SLC2A13: variants seen among roughly 807,000 people sequenced by gnomAD.
SLC2A13 encodes solute carrier family 2 member 13, also known as proton myo-inositol cotransporter.
In SLC2A13, 32 loss-of-function variants were observed where a neutral mutation model predicts 64.4. That is an observed-to-expected ratio of 0.50 (90% CI 0.37 to 0.67). The LOEUF (loss-of-function observed/expected upper bound fraction) is 0.67, where lower values mean the gene tolerates loss of function less well. Ranked by LOEUF, SLC2A13 falls within the 30% of genes least tolerant of loss-of-function variation. The pLI is 0.00. For missense variants in SLC2A13, 743 were observed against 829.2 expected (o/e 0.90, Z 1.28); for synonymous variants, 338 against 327.1 (o/e 1.03, Z -0.36).
chr12:39,895,481 C>A (rs1278227351), intron 4 of SLC2A13, among the ~76,000 whole-genome samples: 1 of 92,302 alleles, frequency 1.1e-5, no homozygotes, highest in African/African-American at 4.5e-5. Context: ...CAGAGCGAGA[C>A]TCTGTCTCAA....
chr12:39,771,565 T>C (rs1432619795), intron 7 of SLC2A13, among the ~76,000 whole-genome samples: 1 of 152,130 alleles, frequency 6.6e-6, no homozygotes, highest in East Asian at 1.9e-4. Flanking sequence ...CTCCAGTCTG[T>C]GCATTGATTG....
chr12:39,764,492 A>G lies in SLC2A13; in HGVS notation c.1688T>C (p.Phe563Ser). The change falls in exon 9 of 10, where the codon TTT (phenylalanine) becomes TCT (serine). Residue 563 changes from phenylalanine (F) to serine (S), a missense_variant. Phe to Ser is a radical substitution (Grantham distance 155). This residue lies in a region of SLC2A13 where 295 missense variants were observed against 381.7 expected (regional missense o/e 0.77). Transcript: ENST00000280871. ...TGTAAGATACTCTGCTGTGTGTAAAAATGTTAGTGAAACCAGGACATTGAA... is the reference window on the plus strand; with the variant it reads ...TGTAAGATACTCTGCTGTGTGTAAAGATGTTAGTGAAACCAGGACATTGAA... ...WIFNVLVSLT[F>S]LHTAEYLTYY... The G allele has an allele frequency of 2.5e-6, 4 of 1,605,804 alleles. No homozygotes were observed. The highest frequency in any genetic ancestry group is 3.4e-6 in the Non-Finnish European group (4 of 1,177,630).
chr12:39,864,547 C>A (rs1258974936), intron 6 of SLC2A13, among the ~76,000 whole-genome samples: 1 of 152,038 alleles, frequency 6.6e-6, no homozygotes, highest in South Asian at 2.1e-4. Flanking sequence ...GTCTAACAAC[C>A]CACTCTCTCC....
chr12:40,093,830 T>G (rs1938845335), intron 1 of SLC2A13, among the ~76,000 whole-genome samples: 1 of 151,888 alleles, frequency 6.6e-6, no homozygotes, highest in Non-Finnish European at 1.5e-5. Flanking sequence ...TGGGGAAAGA[T>G]CCCATGGGGT....
chr12:39,942,720 G>C (rs1946056586), intron 4 of SLC2A13, among the ~76,000 whole-genome samples: 1 of 152,124 alleles, frequency 6.6e-6, no homozygotes, highest in Non-Finnish European at 1.5e-5. Context: ...TTAGCTCGGA[G>C]GAGTTTGTTA....
At chr12:39,844,039 A>G (rs188414687) in intron 6 of SLC2A13, among the ~76,000 whole-genome samples, 1 of 152,146 alleles carries the variant, frequency 6.6e-6, no homozygotes, top group East Asian at 1.9e-4. Flanking sequence ...GTAAGAACAC[A>G]GTTTTGCTTG....
rs1409496369 is a variant in SLC2A13 at position 39,975,277 on chromosome 12, G to A, written c.926-23912C>T. Among the ~76,000 whole-genome samples the A allele has an allele frequency of 2.0e-5, 3 of 152,132 alleles. No homozygotes were observed. In the East Asian group the frequency reaches 5.8e-4, roughly 29 times the overall value. On this transcript the variant is annotated intron_variant, in intron 3 of 9. Transcript: ENST00000280871. The stretch of plus-strand genomic sequence containing the variant: ...CATTTTAGTTTGCTAATTTGCTATG[G>A]AATAGGAAGAAAATAATGCCAAAGG...
chr12:40,029,665 A>C (rs1947875363), intron 2 of SLC2A13, among the ~76,000 whole-genome samples: 1 of 152,258 alleles, frequency 6.6e-6, no homozygotes, highest in Non-Finnish European at 1.5e-5. Flanking sequence ...AGAAGAAAAA[A>C]TATGATTATT....
At chr12:39,843,153 G>A (rs2135878464) in intron 6 of SLC2A13, among the ~76,000 whole-genome samples, 1 of 152,076 alleles carries the variant, frequency 6.6e-6, no homozygotes, top group East Asian at 1.9e-4. Flanking sequence ...GAATTGCTGG[G>A]TCATATAACT....
intron 9 of SLC2A13, among the ~76,000 whole-genome samples, chr12:39,763,274 T>C (rs774936673): frequency 2.6e-5 from 4 of 152,058 alleles, no homozygotes; most frequent in Non-Finnish European, 5.9e-5. Flanking sequence ...TAAGTGGTGA[T>C]TAGGAGAGAG....
chr12:40,003,753 C>A (rs1481070242), intron 3 of SLC2A13, among the ~76,000 whole-genome samples: 1 of 151,076 alleles, frequency 6.6e-6, no homozygotes, highest in Admixed American at 6.6e-5. Context: ...TTTTCTCATT[C>A]TCTCATATAA....
chr12:39,758,220 G>GT lies in SLC2A13; in HGVS notation c.*1805dup, dbSNP rs1566751276. The stretch of plus-strand genomic sequence containing the variant: ...TATGAAATGACCAAAGGGAGAAAAC[G>GT]TTTTTGTTTTTGGTTAATGGATTTT... On this transcript the variant is annotated 3_prime_UTR_variant, in exon 10 of 10. Transcript: ENST00000280871. The GT allele has an allele frequency of 6.6e-6, 1 of 151,562 alleles. No individual in the cohort carries two copies. The highest frequency in any genetic ancestry group is 2.4e-5 in the African/African-American group (1 of 41,338). 9.4% of individuals were successfully genotyped at this position (151,562 alleles called of 1,614,324 possible).
intron 4 of SLC2A13, among the ~76,000 whole-genome samples, chr12:39,941,009 A>T (rs1181023265): frequency 6.6e-6 from 1 of 151,998 alleles, no homozygotes; most frequent in Non-Finnish European, 1.5e-5. Context: ...AATAGTCTCC[A>T]ATCTCATCTA....
At chr12:39,979,062 C>A (rs1055074719) in intron 3 of SLC2A13, among the ~76,000 whole-genome samples, 1 of 151,916 alleles carries the variant, frequency 6.6e-6, no homozygotes, top group Admixed American at 6.6e-5. Flanking sequence ...AGCAGCGGCA[C>A]ACTGACACCT....
At chr12:39,945,396 T>C (rs961760778) in intron 4 of SLC2A13, among the ~76,000 whole-genome samples, 2 of 152,170 alleles carry the variant, frequency 1.3e-5, no homozygotes, top group African/African-American at 4.8e-5. Flanking sequence ...TTTGGATGTC[T>C]AGGTCTCTAG....
chr12:40,099,968 G>A (rs971747641), intron 1 of SLC2A13, among the ~76,000 whole-genome samples: 23 of 151,912 alleles, frequency 1.5e-4, no homozygotes, highest in African/African-American at 5.6e-4. Flanking sequence ...TGAAAATTAG[G>A]AGCTTCTGCC....
chr12:40,058,042 C>CAGATAGAT (rs10534370), intron 1 of SLC2A13, among the ~76,000 whole-genome samples: 6,399 of 145,194 alleles, frequency 0.044, 149 homozygotes, highest in African/African-American at 0.052. Flanking sequence ...AATTTCTCTC[C>CAGATAGAT]AGATAGATAG....
chr12:39,855,765 CA>C (rs1443784547), intron 6 of SLC2A13, among the ~76,000 whole-genome samples: 5 of 152,170 alleles, frequency 3.3e-5, no homozygotes, highest in Non-Finnish European at 7.3e-5. Flanking sequence ...CCAGGTTGTT[CA>C]GGATACATTA....
intron 7 of SLC2A13, among the ~76,000 whole-genome samples, chr12:39,786,501 G>A (rs1404800476): frequency 6.6e-6 from 1 of 151,846 alleles, no homozygotes; most frequent in Non-Finnish European, 1.5e-5. Context: ...AGCTCTCTGG[G>A]GCTGGTCATG....
Sources: gnomAD v4.1 joint callset for allele counts (sites outside exome capture counted in the v4.1 genomes callset) on GRCh38, gnomAD v4.1.1 for gene constraint, gnomAD v4.1.1 regional missense constraint, MANE v1.5 for transcripts, NCBI Gene and HGNC (gene_info 2026-07-23, HGNC 2026-07-21) for gene names.